ARPC3: variants seen among roughly 807,000 people sequenced by gnomAD.
ARPC3 encodes the protein actin-related protein 2/3 complex subunit 3.
ARPC3 carries 12 observed loss-of-function variants against 27.6 expected under a neutral mutation model. The observed-to-expected ratio is 0.43, with a 90% confidence interval of 0.28 to 0.70. The LOEUF is 0.70. Ranked by LOEUF, ARPC3 falls within the 30% of genes least tolerant of loss-of-function variation. ARPC3 has a pLI of 0.17. For missense variants in ARPC3, 153 were observed against 207.7 expected (o/e 0.74, Z 1.62); for synonymous variants, 53 against 67.2 (o/e 0.79, Z 1.03).
At chr12:110,443,423 G>A (rs1218380156) in intron 2 of ARPC3, among the ~76,000 whole-genome samples, 1 of 150,362 alleles carries the variant, frequency 6.7e-6, no homozygotes, top group African/African-American at 2.5e-5. Context: ...ACCGCGCCAC[G>A]CCCTATTTTT....
At chr12:110,437,374 C>T (rs2062412303) in intron 3 of ARPC3, 15 of 393,920 alleles carry the variant, frequency 3.8e-5, no homozygotes, top group South Asian at 3.4e-4. Flanking sequence ...TGTGCAGCTG[C>T]TTTTTTTTTT....
intron 1 of ARPC3, among the ~76,000 whole-genome samples, chr12:110,449,385 A>G (rs1389826738): frequency 6.6e-6 from 1 of 151,614 alleles, no homozygotes; most frequent in Non-Finnish European, 1.5e-5. Context: ...AACATGGTGA[A>G]ACCCCGTCTC....
At chr12:110,449,984 C>A (rs2062491350) in intron 1 of ARPC3, among the ~76,000 whole-genome samples, 1 of 143,266 alleles carries the variant, frequency 7.0e-6, no homozygotes, top group South Asian at 2.2e-4. Flanking sequence ...GGGAACCCTG[C>A]CGGAGTCGGA....
rs1208574699 is a variant in ARPC3 at position 110,446,178 on chromosome 12, G to A, written c.7-627C>T. ...TCACTTCTTTTTTTTTTTTTGAGAA[G>A]GAGTCTCACCATGTTGCCTAAGATG... On this transcript the variant is annotated intron_variant, in intron 1 of 6. Transcript: ENST00000228825. Among the ~76,000 whole-genome samples the A allele has an allele frequency of 3.4e-5, 5 of 148,082 alleles. No individual in the cohort carries two copies. The East Asian group carries it at 9.8e-4, about 29-fold the overall frequency.
At chr12:110,443,583 C>A (rs902419908) in intron 2 of ARPC3, among the ~76,000 whole-genome samples, 1 of 152,124 alleles carries the variant, frequency 6.6e-6, no homozygotes, top group African/African-American at 2.4e-5. Context: ...CAGGTGCCTG[C>A]CACCACAGCT....
At position 110,436,161 on chromosome 12, in the gene ARPC3, T is replaced by C; in HGVS notation, c.423A>G (p.Gly141=). The part of the protein sequence containing the change: ...AYLQQLRQET[G]LRLCEKVFDP... ...CGAAAACTTTCTCACAAAGTCTCAG[T>C]CCAGTCTCTTGCCTTAGCTGTTGTA... Residue 141 remains glycine (G), a synonymous_variant, in exon 6 of 7, where the codon GGA becomes GGG. Transcript: ENST00000228825. 1 of 1,613,834 alleles carries C rather than the reference T, an allele frequency of 6.2e-7. No individual in the cohort carries two copies. Among genetic ancestry groups the C allele is most frequent in the African/African-American group, 1.3e-5 (1 of 75,020 alleles).
intron 2 of ARPC3, among the ~76,000 whole-genome samples, chr12:110,444,353 T>C (rs1169028196): frequency 6.6e-6 from 1 of 151,620 alleles, no homozygotes; most frequent in Non-Finnish European, 1.5e-5. Flanking sequence ...GGTGCAATCT[T>C]GGCTCACTGC....
At chr12:110,446,305 T>TC (rs1172307904) in intron 1 of ARPC3, among the ~76,000 whole-genome samples, 1 of 149,714 alleles carries the variant, frequency 6.7e-6, no homozygotes, top group Non-Finnish European at 1.5e-5. Flanking sequence ...TAATTTTTTT[T>TC]TTTTTTTTTG....
At chr12:110,437,241 T>A in intron 3 of ARPC3, 89 bp from the exon 4 acceptor site, 1 of 903,910 alleles carries the variant, frequency 1.1e-6, no homozygotes. Flanking sequence ...CTTCTGATTA[T>A]CTGCTGAATG....
chr12:110,449,195 G>T (rs1445370860), intron 1 of ARPC3, among the ~76,000 whole-genome samples: 2 of 152,158 alleles, frequency 1.3e-5, no homozygotes, highest in African/African-American at 2.4e-5. Flanking sequence ...TAAGATTAGG[G>T]ATTTGTTGAA....
chr12:110,436,697 T>TATATATATACACACACACACACACA lies in ARPC3; in HGVS notation c.253-15_253-14insTGTGTGTGTGTGTGTGTATATATAT. 1.7e-6 allele frequency: 1 copy of TATATATATACACACACACACACACA among 602,736 alleles called. No homozygotes were observed. The highest frequency in any genetic ancestry group is 2.6e-6 in the Non-Finnish European group (1 of 383,114). 37.3% of individuals were successfully genotyped at this position (602,736 alleles called of 1,614,324 possible). A position where few individuals can be genotyped will look rare whatever the true frequency, so the allele number is the denominator to read the frequency against. ...TTTGGAATTGCACTGGAAAAAAAAA[T>TATATATATACACACACACACACACA]ATATATATATATATACACACACACA... On this transcript the variant is annotated splice_polypyrimidine_tract_variant and intron_variant, in intron 4 of 6. Coordinates refer to ENST00000228825, the MANE Select transcript of ARPC3 (RefSeq NM_001278556.2).
chr12:110,436,071 G>GC (rs2062402272), intron 6 of ARPC3, 39 bp downstream of exon 6: 1 of 1,480,862 alleles, frequency 6.8e-7, no homozygotes, highest in Non-Finnish European at 9.4e-7. Context: ...TGGGATAAAA[G>GC]GTGATTTACC....
At chr12:110,448,782 G>GT (rs1051413286) in intron 1 of ARPC3, among the ~76,000 whole-genome samples, 1 of 108,434 alleles carries the variant, frequency 9.2e-6, no homozygotes, top group African/African-American at 3.8e-5. Flanking sequence ...TTTTTCCGGG[G>GT]GGGGGGGGGG....
chr12:110,436,979 A>G (rs1221694877), intron 4 of ARPC3, 105 bp downstream of exon 4: 1 of 878,144 alleles, frequency 1.1e-6, no homozygotes, highest in East Asian at 2.5e-5. Context: ...CAGAGGAAAT[A>G]TTTTCTACTT....
chr12:110,436,161 T>G lies in ARPC3; in HGVS notation c.423A>C (p.Gly141=), dbSNP rs1246447356. The change falls in exon 6 of 7, where the codon GGA becomes GGC. Residue 141 remains glycine, a synonymous_variant. Transcript: ENST00000228825. ...CGAAAACTTTCTCACAAAGTCTCAG[T>G]CCAGTCTCTTGCCTTAGCTGTTGTA... The part of the protein sequence containing the change: ...AYLQQLRQET[G]LRLCEKVFDP... The G allele has an allele frequency of 6.2e-7, 1 of 1,613,834 alleles. No individual in the cohort carries two copies. Among genetic ancestry groups the G allele is most frequent in the East Asian group, 2.2e-5 (1 of 44,874 alleles).
At position 110,450,273 on chromosome 12, in the gene ARPC3, C is replaced by T. The variant is rs1314516049; in HGVS notation, c.-13G>A. ...CCCTCACCGGCATCTTGGCGGCGCC[C>T]GGGTTTCAACCCAGAGGAGCAGGAT... is the stretch of plus-strand genomic sequence containing the variant. On this transcript the variant is annotated 5_prime_UTR_variant, in exon 1 of 7. Coordinates refer to ENST00000228825, the MANE Select transcript of ARPC3 (RefSeq NM_001278556.2). 11 of 1,613,872 alleles carry T rather than the reference C, an allele frequency of 6.8e-6. No homozygotes were observed. Among genetic ancestry groups the T allele is most frequent in the Admixed American group, 6.7e-5 (4 of 59,994 alleles).
chr12:110,440,404 G>A lies in ARPC3; in HGVS notation c.107-16C>T, dbSNP rs371069605. 49 of 1,574,024 alleles carry A rather than the reference G, an allele frequency of 3.1e-5. No individual in the cohort carries two copies. Among genetic ancestry groups the A allele is most frequent in the Middle Eastern group, 3.3e-4 (2 of 6,002 alleles). On this transcript the variant is annotated splice_polypyrimidine_tract_variant and intron_variant, in intron 2 of 6. Transcript: ENST00000228825. Reference sequence around the variant, plus strand: ...GTATCTTTTGCTAAGCAGGACACAAGGGAAGGAGCACAGAGAACATTAGCC... The same window carrying A: ...GTATCTTTTGCTAAGCAGGACACAAAGGAAGGAGCACAGAGAACATTAGCC...
chr12:110,436,754 A>ACACAC (rs58562016), intron 4 of ARPC3, 71 bp from the exon 5 acceptor site: 1 of 1,111,000 alleles, frequency 9.0e-7, no homozygotes, highest in East Asian at 2.6e-5. Flanking sequence ...ACACACACAC[A>ACACAC]TATTTTACAG....
chr12:110,437,354 C>A, intron 3 of ARPC3: 1 of 548,464 alleles, frequency 1.8e-6, no homozygotes, highest in Non-Finnish European at 3.3e-6. Flanking sequence ...GCACAAGCCC[C>A]ACTCTGAGAT....
Sources: gnomAD v4.1 joint callset for allele counts (sites outside exome capture counted in the v4.1 genomes callset) on GRCh38, gnomAD v4.1.1 for gene constraint, MANE v1.5 for transcripts, NCBI Gene and HGNC (gene_info 2026-07-23, HGNC 2026-07-21) for gene names.